SLC71A1: variants seen among roughly 807,000 people sequenced by gnomAD.
The protein encoded by SLC71A1 is solute carrier family 71 member 1, also known as hippocampus abundant gene transcript 1.
the SLC71A1 span, among the ~76,000 whole-genome samples, chr1:100,041,371 G>C: frequency 6.6e-6 from 1 of 152,120 alleles, no homozygotes; most frequent in African/African-American, 2.4e-5. Context: ...TTTATATTAG[G>C]TGTTTTTAAC....
At chr1:100,081,509 A>ATG in the SLC71A1 span, among the ~76,000 whole-genome samples, 3 of 152,110 alleles carry the variant, frequency 2.0e-5, no homozygotes, top group Admixed American at 2.0e-4. Context: ...GGTAGCTGGG[A>ATG]TTACAGGCAT....
the SLC71A1 span, among the ~76,000 whole-genome samples, chr1:100,066,267 T>C: frequency 6.6e-6 from 1 of 152,242 alleles, no homozygotes; most frequent in Non-Finnish European, 1.5e-5. Context: ...TCCAAGTCTT[T>C]AAGCTTTATT....
chr1:100,052,328 AAGGG>A, the SLC71A1 span, among the ~76,000 whole-genome samples: 4 of 152,178 alleles, frequency 2.6e-5, no homozygotes, highest in African/African-American at 9.7e-5. Context: ...TAGTTGGACA[AAGGG>A]AGGCTATCTT....
chr1:100,077,243 C>T, the SLC71A1 span: 2 of 1,583,188 alleles, frequency 1.3e-6, no homozygotes, highest in Non-Finnish European at 1.7e-6. Context: ...TCAAATATTA[C>T]AGTTGGCATG....
At chr1:100,068,948 C>G in the SLC71A1 span, among the ~76,000 whole-genome samples, 1 of 152,114 alleles carries the variant, frequency 6.6e-6, no homozygotes. Context: ...GCGCCATTCA[C>G]TCCAGCCTGG....
the SLC71A1 span, among the ~76,000 whole-genome samples, chr1:100,067,383 T>G: frequency 1.1e-4 from 17 of 152,356 alleles, no homozygotes; most frequent in South Asian, 2.9e-3. Context: ...TAGCTGAGAC[T>G]ACAGGTGCAC....
At chr1:100,059,780 C>G in the SLC71A1 span, 1 of 1,051,790 alleles carries the variant, frequency 9.5e-7, no homozygotes, top group Non-Finnish European at 1.3e-6. Flanking sequence ...ACTTTAGAAA[C>G]AAAGTTGTTG....
chr1:100,072,854 T>C, the SLC71A1 span, among the ~76,000 whole-genome samples: 2 of 152,174 alleles, frequency 1.3e-5, no homozygotes, highest in Non-Finnish European at 2.9e-5. Context: ...TCAATATAGT[T>C]CTACACATTT....
the SLC71A1 span, chr1:100,068,213 C>A: frequency 6.3e-7 from 1 of 1,592,424 alleles, no homozygotes; most frequent in Non-Finnish European, 8.6e-7. Flanking sequence ...TATACTTTTT[C>A]CTTCTCCTTG....
chr1:100,063,258 T>C, the SLC71A1 span, among the ~76,000 whole-genome samples: 1 of 145,904 alleles, frequency 6.9e-6, no homozygotes, highest in Non-Finnish European at 1.5e-5. Context: ...TAAGCCATGT[T>C]CTGGCAAAAA....
the SLC71A1 span, among the ~76,000 whole-genome samples, chr1:100,075,183 G>A: frequency 8.5e-5 from 13 of 152,230 alleles, no homozygotes; most frequent in Non-Finnish European, 1.6e-4. Context: ...GTGCTCCAGG[G>A]TACATGGCTG....
the SLC71A1 span, chr1:100,080,741 T>A: frequency 3.4e-5 from 40 of 1,180,126 alleles, no homozygotes; most frequent in Admixed American, 2.6e-4. Context: ...TGAAAGCTTT[T>A]ATGTGAGATT....
At chr1:100,055,557 CTTTT>C in the SLC71A1 span, among the ~76,000 whole-genome samples, 1 of 151,528 alleles carries the variant, frequency 6.6e-6, no homozygotes, top group Non-Finnish European at 1.5e-5. Flanking sequence ...GCCATTTTTC[CTTTT>C]TTATTTTTAA....
At chr1:100,068,440 AC>A in the SLC71A1 span, 1 of 1,402,354 alleles carries the variant, frequency 7.1e-7, no homozygotes, top group Admixed American at 1.8e-5. Flanking sequence ...TTGATAGAAA[AC>A]CTTATATCAA....
the SLC71A1 span, among the ~76,000 whole-genome samples, chr1:100,044,511 ATTTTTT>A: frequency 3.9e-5 from 4 of 103,168 alleles, no homozygotes; most frequent in African/African-American, 1.2e-4. Context: ...TACTCTGCTG[ATTTTTT>A]TTTTTTTTTT....
the SLC71A1 span, among the ~76,000 whole-genome samples, chr1:100,071,607 G>C: frequency 3.9e-5 from 6 of 152,304 alleles, no homozygotes; most frequent in African/African-American, 1.4e-4. Flanking sequence ...CATTAGATTT[G>C]CTAACATTTT....
chr1:100,050,585 C>T, the SLC71A1 span, among the ~76,000 whole-genome samples: 1 of 152,104 alleles, frequency 6.6e-6, no homozygotes, highest in Non-Finnish European at 1.5e-5. Context: ...TCTATACCAT[C>T]TTGAAAGGAG....
the SLC71A1 span, chr1:100,077,082 G>A: frequency 0.1 from 69,126 of 664,606 alleles, 4,390 homozygotes; most frequent in African/African-American, 0.24. Context: ...GTAGAAAAGT[G>A]CCAATAGTCC....
the SLC71A1 span, chr1:100,043,356 G>T: frequency 4.8e-6 from 1 of 209,904 alleles, no homozygotes; most frequent in Admixed American, 6.5e-5. Flanking sequence ...GGTACATCAA[G>T]AAGAGATGAA....
Sources: gnomAD v4.1 joint callset for allele counts (sites outside exome capture counted in the v4.1 genomes callset) on GRCh38, gnomAD v4.1.1 for gene constraint, MANE v1.5 for transcripts, NCBI Gene and HGNC (gene_info 2026-07-23, HGNC 2026-07-21) for gene names.